Variants in FBLIM1 observed in about 807,000 individuals in gnomAD.
FBLIM1 encodes filamin binding LIM protein 1.
Under a neutral mutation model 37.4 loss-of-function variants are expected in FBLIM1, and 29 were observed. The observed-to-expected ratio is 0.77, with a 90% CI of 0.58 to 1.06. FBLIM1 has a LOEUF of 1.06. FBLIM1 is among the 50% of genes least tolerant of loss of function. The probability of loss-of-function intolerance (pLI) is 0.00; values close to 1 mark genes in which losing one functional copy is unlikely to be tolerated. For missense variants in FBLIM1, 449 were observed against 505.6 expected (o/e 0.89, Z 1.07); for synonymous variants, 193 against 199.0 (o/e 0.97, Z 0.25).
Position 15,774,803 on chromosome 1 carries a change from G to A in FBLIM1, c.890+7G>A. 6.2e-7 allele frequency: 1 copy of A among 1,614,138 alleles called. No homozygotes were observed. The highest frequency in any genetic ancestry group is 8.5e-7 in the Non-Finnish European group (1 of 1,179,984). On this transcript the variant is annotated splice_region_variant and intron_variant, in intron 7 of 8. Coordinates refer to ENST00000375766, the MANE Select transcript of FBLIM1 (RefSeq NM_017556.4). ...GCCTGGACGACTTCTACAGGTACGA[G>A]AAGGGTTTGTGCACTGGGTGGGGTG...
rs1250023678 is a variant in FBLIM1 at position 15,767,583 on chromosome 1, C to G, written c.438+20C>G. On this transcript the variant is annotated intron_variant, in intron 4 of 8. Coordinates refer to ENST00000375766, the MANE Select transcript of FBLIM1 (RefSeq NM_017556.4). ...CCACAGGTACTGCCTGCCCCCCGAC[C>G]CCCAGCAATCCCTTGGTCCCCTTGG... is the stretch of plus-strand genomic sequence containing the variant. 4.5e-6 allele frequency: 4 copies of G among 893,884 alleles called. No individual in the cohort carries two copies. The African/African-American group carries it at 7.1e-5, about 16-fold the overall frequency. The allele number at this position is 893,884 out of a possible 1,614,324, so 55.4% of individuals were successfully genotyped here. A position where few individuals can be genotyped will look rare whatever the true frequency, so the allele number is the denominator to read the frequency against.
chr1:15,771,257 T>G (rs969699397), intron 6 of FBLIM1, among the ~76,000 whole-genome samples: 2 of 150,784 alleles, frequency 1.3e-5, no homozygotes, highest in South Asian at 2.1e-4. Context: ...TTGTTTTTTT[T>G]TTTTTTTAAG....
rs368727367 is a variant in FBLIM1, at chr1:15,784,697, C to T, written c.*36C>T. 59 of 1,577,262 alleles carry T rather than the reference C, an allele frequency of 3.7e-5. No homozygotes were observed. The highest frequency in any genetic ancestry group is 1.3e-4 in the African/African-American group (10 of 74,290). On this transcript the variant is annotated 3_prime_UTR_variant, in exon 9 of 9. Coordinates refer to ENST00000375766, the MANE Select transcript of FBLIM1 (RefSeq NM_017556.4). The stretch of plus-strand genomic sequence containing the variant: ...TGGGCAGTGAACAGACCACTAGCCC[C>T]GGCTGGGGCCCTTCCCTGACTTGGT...
At chr1:15,771,535 C>T (rs575197666) in intron 6 of FBLIM1, among the ~76,000 whole-genome samples, 68 of 152,036 alleles carry the variant, frequency 4.5e-4, no homozygotes, top group Non-Finnish European at 7.9e-4. Context: ...TGTGAGCCAC[C>T]GCACCTGGCC....
intron 5 of FBLIM1, among the ~76,000 whole-genome samples, chr1:15,769,732 G>C (rs1017734147): frequency 2.0e-5 from 3 of 151,854 alleles, no homozygotes; most frequent in Admixed American, 1.3e-4. Context: ...CACCTCCTGG[G>C]TTTAAGCGAG....
At chr1:15,783,569 CTTTTT>C (rs58141962) in intron 8 of FBLIM1, among the ~76,000 whole-genome samples, 4 of 81,256 alleles carry the variant, frequency 4.9e-5, no homozygotes, top group East Asian at 7.1e-4. Context: ...AACTTACGTT[CTTTTT>C]TTTTTTTTTT....
rs191042042 is a variant in FBLIM1, at chr1:15,765,189, C to T, written c.206C>T (p.Ala69Val). 4 of 1,613,754 alleles carry T rather than the reference C, an allele frequency of 2.5e-6. No homozygotes were observed. Among genetic ancestry groups the T allele is most frequent in the African/African-American group, 2.7e-5 (2 of 75,060 alleles). The change falls in exon 3 of 9, where the codon GCT becomes GTT. Residue 69 changes from alanine to valine, a missense_variant. Coordinates refer to ENST00000375766, the MANE Select transcript of FBLIM1 (RefSeq NM_017556.4). The surrounding 1 kb of genome is among the most constrained non-coding windows in gnomAD (Gnocchi z 5.9). ...RPSPWTTPGRAAATVPAAPMQ... is the reference protein window; with the variant it reads ...RPSPWTTPGRVAATVPAAPMQ... ...AGCCCCTGGACAACCCCTGGCAGAG[C>T]TGCAGCCACAGTGCCGGCTGCACCT...
At chr1:15,760,466 G>T (rs1362778368) in intron 1 of FBLIM1, among the ~76,000 whole-genome samples, 1 of 148,244 alleles carries the variant, frequency 6.7e-6, no homozygotes. Context: ...GGAGGTGGAG[G>T]TTTCAGTGAG....
intron 1 of FBLIM1, among the ~76,000 whole-genome samples, chr1:15,761,515 A>G (rs931739761): frequency 4.6e-5 from 7 of 152,144 alleles, no homozygotes; most frequent in Non-Finnish European, 1.0e-4. Context: ...GTCGTTTGGT[A>G]TTTCTTTAAA....
At chr1:15,782,752 T>C (rs2069674371) in intron 8 of FBLIM1, among the ~76,000 whole-genome samples, 1 of 150,954 alleles carries the variant, frequency 6.6e-6, no homozygotes, top group African/African-American at 2.4e-5. Flanking sequence ...TTGCAGACCC[T>C]GGTCCCTACT....
rs2069399422 is a variant in FBLIM1 at position 15,774,621 on chromosome 1, A to G, written c.715A>G (p.Thr239Ala). 6.2e-7 allele frequency: 1 copy of G among 1,612,662 alleles called. No homozygotes were observed. Among genetic ancestry groups the G allele is most frequent in the Non-Finnish European group, 8.5e-7 (1 of 1,179,384 alleles). ...RPLCEPCYQD[T>A]LERCGKCGEV... ...CTGGCAGTGGCCTCTGTCCTAGGAC[A>G]CACTGGAGAGGTGCGGCAAGTGTGG... The change falls in exon 7 of 9, where the codon ACA becomes GCA. Residue 239 changes from threonine (T) to alanine (A), a missense_variant. By Grantham distance (58) the Thr-to-Ala change is moderately conservative (BLOSUM62 0). Transcript: ENST00000375766.
chr1:15,781,227 G>T (rs910269588), intron 8 of FBLIM1, among the ~76,000 whole-genome samples: 2 of 152,054 alleles, frequency 1.3e-5, no homozygotes, highest in South Asian at 4.2e-4. Flanking sequence ...GTGTGGTGGC[G>T]TGTGTCTGTA....
chr1:15,758,736 G>A (rs1311384655), upstream of FBLIM1: 2 of 151,870 alleles, frequency 1.3e-5, no homozygotes, highest in Non-Finnish European at 3.0e-5. The surrounding 1 kb of genome is among the most constrained non-coding windows in gnomAD (Gnocchi z 6.2). Flanking sequence ...GCGGGGCGGA[G>A]GGAGCCGAGG....
chr1:15,772,678 G>A (rs746104244), intron 6 of FBLIM1, among the ~76,000 whole-genome samples: 1 of 152,136 alleles, frequency 6.6e-6, no homozygotes, highest in Non-Finnish European at 1.5e-5. Flanking sequence ...TACCAGCCAG[G>A]CGCGGTGGCT....
chr1:15,764,893 T>G, intron 2 of FBLIM1, 71 bp from the exon 3 acceptor site: 1 of 1,502,788 alleles, frequency 6.7e-7, no homozygotes, highest in Non-Finnish European at 8.9e-7. Flanking sequence ...GGAGGGAGGC[T>G]CTCTCCTCTC....
At chr1:15,779,762 T>C (rs1387668458) in intron 8 of FBLIM1, among the ~76,000 whole-genome samples, 1 of 152,204 alleles carries the variant, frequency 6.6e-6, no homozygotes, top group East Asian at 1.9e-4. Context: ...GATTAGAAGC[T>C]GGTGCAGTTG....
chr1:15,771,254 T>G (rs1321841623), intron 6 of FBLIM1, among the ~76,000 whole-genome samples: 19 of 150,592 alleles, frequency 1.3e-4, no homozygotes, highest in East Asian at 5.9e-4. Flanking sequence ...TTTTTGTTTT[T>G]TTTTTTTTTT....
Position 15,774,607 on chromosome 1 carries a change from C to T in FBLIM1, c.712-11C>T, listed in dbSNP as rs1483059649. Reference sequence around the variant, plus strand: ...TGTCGTGGATGGTTCTGGCAGTGGCCTCTGTCCTAGGACACACTGGAGAGG... The same window carrying T: ...TGTCGTGGATGGTTCTGGCAGTGGCTTCTGTCCTAGGACACACTGGAGAGG... On this transcript the variant is annotated splice_polypyrimidine_tract_variant and intron_variant, in intron 6 of 8. Coordinates refer to ENST00000375766, the MANE Select transcript of FBLIM1 (RefSeq NM_017556.4). 1 of 1,605,334 alleles carries T rather than the reference C, an allele frequency of 6.2e-7. No homozygotes were observed.
chr1:15,772,787 CTATTT>C (rs1285402285), intron 6 of FBLIM1, among the ~76,000 whole-genome samples: 2 of 152,194 alleles, frequency 1.3e-5, no homozygotes, highest in East Asian at 3.9e-4. Context: ...GACTCCATCT[CTATTT>C]TAATATAGCT....
Sources: gnomAD v4.1 joint callset for allele counts (sites outside exome capture counted in the v4.1 genomes callset) on GRCh38, gnomAD v4.1.1 for gene constraint, Gnocchi (gnomAD v3.1) non-coding constraint, MANE v1.5 for transcripts, NCBI Gene and HGNC (gene_info 2026-07-23, HGNC 2026-07-21) for gene names.